KIFC3: variants seen among roughly 807,000 people sequenced by gnomAD.
KIFC3 encodes the protein kinesin family member C3.
Under a neutral mutation model 101.8 loss-of-function variants are expected in KIFC3, and 60 were observed. That is an observed-to-expected ratio of 0.59 (90% CI 0.48 to 0.73). The LOEUF is 0.73. Among genes scored for constraint, KIFC3 ranks in the 30% least tolerant of loss-of-function variants. KIFC3 has a pLI of 0.00. For synonymous variants in KIFC3, 476 were observed against 482.7 expected (o/e 0.99, Z 0.18); for missense variants, 966 against 1,137.1 (o/e 0.85, Z 2.16).
intron 1 of KIFC3, among the ~76,000 whole-genome samples, chr16:57,862,411 C>A (rs138749138): frequency 9.9e-5 from 15 of 152,076 alleles, no homozygotes; most frequent in African/African-American, 3.1e-4. Context: ...TATTTTTGGA[C>A]CTTGGTTGAC....
intron 1 of KIFC3, among the ~76,000 whole-genome samples, chr16:57,828,421 A>ATGAGGAAATGGTGTGAGTGGC (rs1555631163): frequency 1.3e-5 from 2 of 152,346 alleles, no homozygotes; most frequent in Non-Finnish European, 2.9e-5. Flanking sequence ...AGATGTGGCC[A>ATGAGGAAATGGTGTGAGTGGC]TGAGGAAATG....
chr16:57,820,436 G>C (rs188018099), intron 1 of KIFC3, among the ~76,000 whole-genome samples: 1 of 152,060 alleles, frequency 6.6e-6, no homozygotes, highest in East Asian at 1.9e-4. Flanking sequence ...CATAACACTC[G>C]GCTAATTTTT....
rs782455767 is a variant in KIFC3, at chr16:57,771,523, A to AC, written c.525+19dup. 3 of 1,611,358 alleles carry AC rather than the reference A, an allele frequency of 1.9e-6. No homozygotes were observed. In the African/African-American group the frequency reaches 4.0e-5, roughly 22 times the overall value. ...GTGGCCCTCCAGGACCAGCATGGGG[A>AC]CCACGGCCATTCTGCTCACCTGGCT... is the stretch of plus-strand genomic sequence containing the variant. On this transcript the variant is annotated intron_variant, in intron 5 of 19. Coordinates refer to ENST00000445690, the MANE Select transcript of KIFC3 (RefSeq NM_001130100.2).
At position 57,802,312 on chromosome 16, in the gene KIFC3, G is replaced by A. The variant is rs1311375228; in HGVS notation, c.-40+58C>T. 2.3e-6 allele frequency: 2 copies of A among 885,612 alleles called. No individual in the cohort carries two copies. The highest frequency in any genetic ancestry group is 1.8e-5 in the African/African-American group (1 of 54,952). 54.9% of individuals were successfully genotyped at this position (885,612 alleles called of 1,614,324 possible). On this transcript the variant is annotated intron_variant, in intron 1 of 19. Transcript: ENST00000445690. This position sits in a 1 kb window ranked among gnomAD's most constrained non-coding sequence, Gnocchi z 5.0. ...GCCCGGACGCGGCGCCCCAAACGGC[G>A]GGCCGGGCAGAGCCCAGCGCCCCGC...
chr16:57,790,199 C>G (rs554812534), intron 3 of KIFC3, among the ~76,000 whole-genome samples: 17 of 151,684 alleles, frequency 1.1e-4, no homozygotes, highest in Admixed American at 3.3e-4. Flanking sequence ...CCTGCCTCAG[C>G]CTCCCAAGTA....
rs372132917 is a variant in KIFC3, at chr16:57,770,699, T to C, written c.767A>G (p.Tyr256Cys). The C allele has an allele frequency of 5.4e-6, 8 of 1,476,242 alleles. No homozygotes were observed. In the African/African-American group the frequency reaches 9.9e-5, roughly 18 times the overall value. 91.4% of individuals were successfully genotyped at this position (1,476,242 alleles called of 1,614,324 possible). A position where few individuals can be genotyped will look rare whatever the true frequency, so the allele number is the denominator to read the frequency against. The change falls in exon 7 of 20, where the codon TAT (tyrosine) becomes TGT (cysteine). Residue 256 changes from tyrosine to cysteine, a missense_variant and splice_region_variant. Transcript: ENST00000445690. ...SLRAQSPPVK[Y>C]VIKTVEVESS... is the part of the protein sequence containing the mutation. ...CTCCACCTCCACTGTCTTGATGACATACTGCAGGGTGAGGGAGGAATGGCA... is the reference window on the plus strand; with the variant it reads ...CTCCACCTCCACTGTCTTGATGACACACTGCAGGGTGAGGGAGGAATGGCA...
rs117621815 is a variant in KIFC3, at chr16:57,811,219, T to G, written c.109-12937A>C. On this transcript the variant is annotated intron_variant, in intron 1 of 2. Coordinates refer to the KIFC3 transcript ENST00000563028. Reference sequence around the variant, plus strand: ...TGCCAGGGCCTGGGAGGGAGAATGATGAGTGACTATGAATGGGGCTTCTTT... The same window carrying G: ...TGCCAGGGCCTGGGAGGGAGAATGAGGAGTGACTATGAATGGGGCTTCTTT... Among the ~76,000 whole-genome samples the G allele has an allele frequency of 5.4e-3, 819 of 152,294 alleles. 9 individuals are homozygous for G. Among genetic ancestry groups the G allele is most frequent in the South Asian group, 0.031 (150 of 4,828 alleles).
At chr16:57,816,779 G>A (rs1598199982) in intron 1 of KIFC3, 1 of 454,752 alleles carries the variant, frequency 2.2e-6, no homozygotes, top group Non-Finnish European at 4.4e-6. Context: ...CCCCTTCCAG[G>A]CAGGAGCTCA....
Position 57,771,569 on chromosome 16 carries a change from G to C in KIFC3, c.499C>G (p.Pro167Ala). ...LQELRTKPAGPCPGCEHSQES... is the reference protein window; with the variant it reads ...LQELRTKPAGACPGCEHSQES... Reference sequence around the variant, plus strand: ...TGGCTGTGCTCACAACCTGGGCAGGGACCTGCTGGCTTTGTGCGCAGCTCT... The same window carrying C: ...TGGCTGTGCTCACAACCTGGGCAGGCACCTGCTGGCTTTGTGCGCAGCTCT... Residue 167 changes from proline (P) to alanine (A), a missense_variant, in exon 5 of 20, where the codon CCC becomes GCC. Pro to Ala is a conservative substitution (Grantham distance 27, BLOSUM62 -1). This residue lies in a region of KIFC3 where 277 missense variants were observed against 252.5 expected (regional missense o/e 1.10). Transcript: ENST00000445690. 4 of 1,613,466 alleles carry C rather than the reference G, an allele frequency of 2.5e-6. No homozygotes were observed. The highest frequency in any genetic ancestry group is 3.4e-6 in the Non-Finnish European group (4 of 1,179,986).
intron 12 of KIFC3, 146 bp from the exon 13 acceptor site, chr16:57,762,416 TGCCCTCCACCA>T (rs2049974692): frequency 1.2e-6 from 1 of 807,714 alleles, no homozygotes; most frequent in Admixed American, 3.0e-5. Context: ...TCCCCCAAAA[TGCCCTCCACCA>T]GCTGCGGGCA....
At chr16:57,836,740 G>A (rs2055696474) in intron 1 of KIFC3, among the ~76,000 whole-genome samples, 1 of 151,570 alleles carries the variant, frequency 6.6e-6, no homozygotes, top group African/African-American at 2.4e-5. Flanking sequence ...TGCGCAGGCT[G>A]GTGTATAGTG....
intron 3 of KIFC3, chr16:57,782,058 CA>C (rs2052802390): frequency 1.0e-6 from 1 of 985,346 alleles, no homozygotes; most frequent in Admixed American, 6.1e-5. Flanking sequence ...CTTAGAGAGG[CA>C]AAGTTCAGAA....
At position 57,765,496 on chromosome 16, in the gene KIFC3, A is replaced by G; in HGVS notation, c.1475T>C (p.Leu492Pro). Residue 492 changes from leucine (L) to proline (P), a missense_variant, in exon 11 of 20, where the codon CTG becomes CCG. Leu to Pro is a moderately conservative substitution (Grantham distance 98). Coordinates refer to ENST00000445690, the MANE Select transcript of KIFC3 (RefSeq NM_001130100.2). ...LHKGKPVSFE[L>P]DKVFSPQASQ... ...GGCCTGTGGGGAGAAGACCTTGTCC[A>G]GCTCGAAGGACACAGGCTTGCCCTT... is the stretch of plus-strand genomic sequence containing the variant. 6.3e-7 allele frequency: 1 copy of G among 1,588,878 alleles called. No individual in the cohort carries two copies. The highest frequency in any genetic ancestry group is 8.6e-7 in the Non-Finnish European group (1 of 1,166,528).
At position 57,802,432 on chromosome 16, in the gene KIFC3, C is replaced by T; in HGVS notation, c.-102G>A. The T allele has an allele frequency of 1.0e-6, 1 of 983,096 alleles. No homozygotes were observed. The highest frequency in any genetic ancestry group is 1.2e-6 in the Non-Finnish European group (1 of 828,998). 60.9% of individuals were successfully genotyped at this position (983,096 alleles called of 1,614,324 possible). The stretch of plus-strand genomic sequence containing the variant: ...GCCCGGGGCTCGGCCCGGCCCGGCC[C>T]GCCGGCAGGAGGCAGCTCCACGCCG... On this transcript the variant is annotated 5_prime_UTR_variant, in exon 1 of 20. Transcript: ENST00000445690. The surrounding 1 kb of genome is among the most constrained non-coding windows in gnomAD (Gnocchi z 5.0).
intron 1 of KIFC3, among the ~76,000 whole-genome samples, chr16:57,861,619 T>C (rs1214586006): frequency 6.6e-6 from 1 of 152,032 alleles, no homozygotes; most frequent in Non-Finnish European, 1.5e-5. Context: ...ATTTGCACCA[T>C]GGTACTGGGG....
intron 3 of KIFC3, chr16:57,775,804 G>C: frequency 1.0e-6 from 1 of 985,590 alleles, no homozygotes; most frequent in Non-Finnish European, 1.2e-6. Flanking sequence ...GGCTGAAACG[G>C]TCCCAGGACA....
Position 57,759,855 on chromosome 16 carries a change from G to A in KIFC3, c.2368-19C>T, listed in dbSNP as rs782640878. The A allele has an allele frequency of 2.5e-5, 39 of 1,582,024 alleles. No homozygotes were observed. The highest frequency in any genetic ancestry group is 6.8e-5 in the East Asian group (3 of 44,002). On this transcript the variant is annotated intron_variant, in intron 17 of 19. Transcript: ENST00000445690. Reference sequence around the variant, plus strand: ...GCTCCCACTGTGAGCAGGGAAGGGCGGATGGGCGGGGGCCACGGCTGCCCT... The same window carrying A: ...GCTCCCACTGTGAGCAGGGAAGGGCAGATGGGCGGGGGCCACGGCTGCCCT...
At chr16:57,785,394 C>A in intron 3 of KIFC3, 1 of 982,776 alleles carries the variant, frequency 1.0e-6, no homozygotes. Context: ...GGGTCAGGTG[C>A]CCAGGTGATG....
rs1238116970 is a variant in KIFC3, at chr16:57,790,054, TTTTCTTTCTTTCTTTC to T, written c.315+4929_315+4944del. ...GCCTGGCCATTTTTTTTTGCTTTCT[TTTTCTTTCTTTCTTTC>T]TTTCTTTCTTTTTTTTTTTTTTTTT... On this transcript the variant is annotated intron_variant, in intron 3 of 19. Coordinates refer to ENST00000445690, the MANE Select transcript of KIFC3 (RefSeq NM_001130100.2). 9.2e-4 allele frequency among the ~76,000 whole-genome samples: 110 copies of T among 119,062 alleles called. 7 individuals are homozygous for T. The highest frequency in any genetic ancestry group is 9.6e-4 in the Non-Finnish European group (56 of 58,540). The allele number at this position is 119,062 out of a possible 152,430, so 78.1% of individuals were successfully genotyped here. A position where few individuals can be genotyped will look rare whatever the true frequency, so the allele number is the denominator to read the frequency against.
Sources: gnomAD v4.1 joint callset for allele counts (sites outside exome capture counted in the v4.1 genomes callset) on GRCh38, gnomAD v4.1.1 for gene constraint, gnomAD v4.1.1 regional missense constraint, Gnocchi (gnomAD v3.1) non-coding constraint, MANE v1.5 for transcripts, NCBI Gene and HGNC (gene_info 2026-07-23, HGNC 2026-07-21) for gene names.